The following AGPAT4 variants were observed in gnomAD, a reference collection of about 807,000 sequenced individuals.
The protein encoded by AGPAT4 is 1-acyl-sn-glycerol-3-phosphate acyltransferase delta.
A neutral mutation model predicts 48.0 loss-of-function variants in AGPAT4; 15 were observed. The ratio of observed to expected loss-of-function variants is 0.31; its 90% CI spans 0.21 to 0.48. AGPAT4 has a LOEUF of 0.48. AGPAT4 is among the 20% of genes least tolerant of loss of function. The probability of loss-of-function intolerance (pLI) is 0.99; values close to 1 mark genes in which losing one functional copy is unlikely to be tolerated. For synonymous variants in AGPAT4, 178 were observed against 198.7 expected, an observed-to-expected ratio of 0.90 and a Z score of 0.88; for missense variants, 314 against 482.5, an observed-to-expected ratio of 0.65 and a Z score of 3.27.
rs1048700217 is a variant in AGPAT4 at position 161,223,962 on chromosome 6, G to A, written c.178+8074C>T. On this transcript the variant is annotated intron_variant, in intron 2 of 8. Coordinates refer to ENST00000320285, the MANE Select transcript of AGPAT4 (RefSeq NM_020133.3). This position sits in a 1 kb window ranked among gnomAD's most constrained non-coding sequence, Gnocchi z 6.3. ...TTCATAGAATAAAAAGGCAGAATCA[G>A]GAAGTGTTGTTCCTCTTAGCCTGCA... Among the ~76,000 whole-genome samples the A allele has an allele frequency of 1.3e-5, 2 of 152,202 alleles. No individual in the cohort carries two copies. The highest frequency in any genetic ancestry group is 4.8e-5 in the African/African-American group (2 of 41,448).
rs923151624 is a variant in AGPAT4 at position 161,143,236 on chromosome 6, C to T, written c.843+3288G>A. ...TACAGGTGTGTACCGCTAGGTGCAG[C>T]TAGTTTGTAAAATTTTTTTGTAGAG... On this transcript the variant is annotated intron_variant, in intron 7 of 8. Transcript: ENST00000320285. The surrounding 1 kb of genome is among the most constrained non-coding windows in gnomAD (Gnocchi z 4.7). Among the ~76,000 whole-genome samples the T allele has an allele frequency of 2.0e-5, 3 of 152,152 alleles. No individual in the cohort carries two copies. The highest frequency in any genetic ancestry group is 4.4e-5 in the Non-Finnish European group (3 of 68,042).
rs904862024 is a variant in AGPAT4, at chr6:161,217,069, G to A, written c.178+14967C>T. On this transcript the variant is annotated intron_variant, in intron 2 of 8. Transcript: ENST00000320285. The surrounding 1 kb of genome is among the most constrained non-coding windows in gnomAD (Gnocchi z 4.9). ...GGCTTTCCTGTCCTTGTCAATTTCC[G>A]TTTAGGTGTTTTATCATTAGGGCCT... Among the ~76,000 whole-genome samples, 2 of 152,222 alleles carry A rather than the reference G, an allele frequency of 1.3e-5. No individual in the cohort carries two copies. The highest frequency in any genetic ancestry group is 2.4e-5 in the African/African-American group (1 of 41,548).
At chr6:161,160,054 C>G (rs553330560) in intron 3 of AGPAT4, 10 of 151,978 alleles carry the variant, frequency 6.6e-5, no homozygotes. Context: ...TCTCCCACCT[C>G]AGCCTGTGGA....
chr6:161,157,016 C>CGA (rs1779785994), intron 3 of AGPAT4, among the ~76,000 whole-genome samples: 1 of 152,216 alleles, frequency 6.6e-6, no homozygotes, highest in Admixed American at 6.5e-5. Flanking sequence ...GGGTAAATCT[C>CGA]TGTTCAAGAC....
chr6:161,239,028 A>C (rs1276153078), intron 1 of AGPAT4, among the ~76,000 whole-genome samples: 1 of 152,218 alleles, frequency 6.6e-6, no homozygotes, highest in African/African-American at 2.4e-5. Context: ...ATTAATACAC[A>C]TAAGAATATG....
intron 2 of AGPAT4, among the ~76,000 whole-genome samples, chr6:161,168,798 A>G (rs1416154638): frequency 6.6e-6 from 1 of 152,208 alleles, no homozygotes; most frequent in Non-Finnish European, 1.5e-5. Flanking sequence ...TGGCTGCTGA[A>G]TATTGTCTTC....
Position 161,178,001 on chromosome 6 carries a change from T to C in AGPAT4, c.179-11584A>G, listed in dbSNP as rs1780474075. Among the ~76,000 whole-genome samples the C allele has an allele frequency of 1.3e-5, 2 of 152,212 alleles. No homozygotes were observed. The highest frequency in any genetic ancestry group is 2.9e-5 in the Non-Finnish European group (2 of 68,042). ...AACAGCAAATGTTGCTGCCTGATCC[T>C]TCCTCTGAAAGCTTCGTCTCAGAGG... On this transcript the variant is annotated intron_variant, in intron 2 of 8. Coordinates refer to ENST00000320285, the MANE Select transcript of AGPAT4 (RefSeq NM_020133.3). This position sits in a 1 kb window ranked among gnomAD's most constrained non-coding sequence, Gnocchi z 5.1.
In AGPAT4 at chr6:161,201,358, ATTTACCT is replaced by A. The variant is rs1237152494; in HGVS notation, c.178+30671_178+30677del. 1.3e-5 allele frequency among the ~76,000 whole-genome samples: 2 copies of A among 152,198 alleles called. No homozygotes were observed. Among genetic ancestry groups the A allele is most frequent in the Non-Finnish European group, 2.9e-5 (2 of 68,032 alleles). On this transcript the variant is annotated intron_variant, in intron 2 of 8. Transcript: ENST00000320285. This position sits in a 1 kb window ranked among gnomAD's most constrained non-coding sequence, Gnocchi z 6.0. ...GAAGAAAAGGAAATTACAGGAACCAATTTACCTTTTTTTTCAGTCTTATTTTTATTCA... is the reference window on the plus strand; with the variant it reads ...GAAGAAAAGGAAATTACAGGAACCAATTTTTTTCAGTCTTATTTTTATTCA...
In AGPAT4 at chr6:161,149,179, C is replaced by T. The variant is rs199680926; in HGVS notation, c.767+8G>A. On this transcript the variant is annotated splice_region_variant and intron_variant, in intron 6 of 8. Coordinates refer to ENST00000320285, the MANE Select transcript of AGPAT4 (RefSeq NM_020133.3). The surrounding 1 kb of genome is among the most constrained non-coding windows in gnomAD (Gnocchi z 6.5). ...TGTCTTTTCTGGAAAGGAAACAGTT[C>T]GACTTACCTAACATACAAATCTGCA... 486 of 1,610,334 alleles carry T rather than the reference C, an allele frequency of 3.0e-4. No individual in the cohort carries two copies. The highest frequency in any genetic ancestry group is 9.9e-4 in the Middle Eastern group (6 of 6,058).
In AGPAT4 at chr6:161,206,235, G is replaced by C. The variant is rs571937761; in HGVS notation, c.178+25801C>G. Among the ~76,000 whole-genome samples the C allele has an allele frequency of 3.9e-5, 6 of 152,060 alleles. No individual in the cohort carries two copies. Among genetic ancestry groups the C allele is most frequent in the Non-Finnish European group, 7.4e-5 (5 of 67,988 alleles). On this transcript the variant is annotated intron_variant, in intron 2 of 8. Transcript: ENST00000320285. This position sits in a 1 kb window ranked among gnomAD's most constrained non-coding sequence, Gnocchi z 4.8. ...ACCCCCCATCAGCAAAGGTTGGGGT[G>C]GGGGGCTGTAATTTCACATCCTCTA...
At position 161,146,688 on chromosome 6, in the gene AGPAT4, T is replaced by TTATC; in HGVS notation, c.768-93_768-90dup. The TTATC allele has an allele frequency of 3.3e-6, 4 of 1,222,596 alleles. No individual in the cohort carries two copies. The South Asian group carries it at 5.0e-5, about 15-fold the overall frequency. The allele number at this position is 1,222,596 out of a possible 1,614,324, so 75.7% of individuals were successfully genotyped here. ...GTAACGGTGCTGCCGTTTTTTGTTT[T>TTATC]TATCTGGGTCACCTAAATAATGTGG... On this transcript the variant is annotated intron_variant, in intron 6 of 8. Transcript: ENST00000320285. This position sits in a 1 kb window ranked among gnomAD's most constrained non-coding sequence, Gnocchi z 7.1.
In AGPAT4 at chr6:161,138,459, C is replaced by T. The variant is rs192625789; in HGVS notation, c.1042+963G>A. 6.6e-6 allele frequency among the ~76,000 whole-genome samples: 1 copy of T among 152,072 alleles called. No individual in the cohort carries two copies. The highest frequency in any genetic ancestry group is 1.9e-4 in the East Asian group (1 of 5,164). On this transcript the variant is annotated intron_variant, in intron 8 of 8. Coordinates refer to ENST00000320285, the MANE Select transcript of AGPAT4 (RefSeq NM_020133.3). The surrounding 1 kb of genome is among the most constrained non-coding windows in gnomAD (Gnocchi z 4.8). ...GCGAGCTGAAGAAACTCCACTGATACGGGTTTATAGATGCACATATGCTTG... is the reference window on the plus strand; with the variant it reads ...GCGAGCTGAAGAAACTCCACTGATATGGGTTTATAGATGCACATATGCTTG...
rs58550351 is a variant in AGPAT4, at chr6:161,240,221, TACACACACACACACACACACAC to T, written c.-89-7941_-89-7920del. ...CACTAACAGCAGATATCTTTGTGTA[TACACACACACACACACACACAC>T]ACACACACACACACACACACACACT... On this transcript the variant is annotated intron_variant, in intron 1 of 8. Transcript: ENST00000320285. This position sits in a 1 kb window ranked among gnomAD's most constrained non-coding sequence, Gnocchi z 5.5. 1.4e-4 allele frequency among the ~76,000 whole-genome samples: 20 copies of T among 144,332 alleles called. No homozygotes were observed. The highest frequency in any genetic ancestry group is 3.6e-4 in the African/African-American group (14 of 38,974). The allele number at this position is 144,332 out of a possible 152,430, so 94.7% of individuals were successfully genotyped here.
chr6:161,158,197 C>A lies in AGPAT4; in HGVS notation c.349-3887G>T, dbSNP rs1181655489. Among the ~76,000 whole-genome samples, 1 of 152,144 alleles carries A rather than the reference C, an allele frequency of 6.6e-6. No individual in the cohort carries two copies. Among genetic ancestry groups the A allele is most frequent in the Non-Finnish European group, 1.5e-5 (1 of 68,020 alleles). ...GTTGCCCAAGTTAACTCACTTATGA[C>A]AAAGAGACTAGAAACTGCTATTAAG... On this transcript the variant is annotated intron_variant, in intron 3 of 8. Transcript: ENST00000320285. This position sits in a 1 kb window ranked among gnomAD's most constrained non-coding sequence, Gnocchi z 5.3.
chr6:161,157,128 G>A (rs977494527), intron 3 of AGPAT4, among the ~76,000 whole-genome samples: 4 of 152,240 alleles, frequency 2.6e-5, no homozygotes, highest in African/African-American at 9.7e-5. Flanking sequence ...GGGTCTGCCT[G>A]ACCAAGCTGG....
rs1413315498 is a variant in AGPAT4, at chr6:161,137,822, T to C, written c.1043-1188A>G. On this transcript the variant is annotated intron_variant, in intron 8 of 8. Transcript: ENST00000320285. The surrounding 1 kb of genome is among the most constrained non-coding windows in gnomAD (Gnocchi z 6.1). ...GCACCCCTCAGATGCTCCTGAAGAC[T>C]CCCTGTGTCCACACTGCACCCCTCA... Among the ~76,000 whole-genome samples, 1 of 150,430 alleles carries C rather than the reference T, an allele frequency of 6.6e-6. No homozygotes were observed. The highest frequency in any genetic ancestry group is 1.5e-5 in the Non-Finnish European group (1 of 67,672).
rs1781257215 is a variant in AGPAT4, at chr6:161,202,258, G to A, written c.178+29778C>T. ...TCTCTGGGGATGTCGCAGTCAAGAT[G>A]TCAGCTGGGGCTTGCCTGAGGCTGG... On this transcript the variant is annotated intron_variant, in intron 2 of 8. Coordinates refer to ENST00000320285, the MANE Select transcript of AGPAT4 (RefSeq NM_020133.3). This position sits in a 1 kb window ranked among gnomAD's most constrained non-coding sequence, Gnocchi z 5.4. 6.6e-6 allele frequency among the ~76,000 whole-genome samples: 1 copy of A among 152,134 alleles called. No individual in the cohort carries two copies. The highest frequency in any genetic ancestry group is 2.1e-4 in the South Asian group (1 of 4,822).
At chr6:161,170,070 C>A (rs1315770884) in intron 2 of AGPAT4, among the ~76,000 whole-genome samples, 1 of 152,190 alleles carries the variant, frequency 6.6e-6, no homozygotes, top group African/African-American at 2.4e-5. Context: ...TCCACACCAT[C>A]AATGCCAGAT....
At position 161,254,908 on chromosome 6, in the gene AGPAT4, A is replaced by G. The variant is rs2114740076; in HGVS notation, c.-90+19030T>C. Among the ~76,000 whole-genome samples the G allele has an allele frequency of 6.6e-6, 1 of 152,358 alleles. No homozygotes were observed. Among genetic ancestry groups the G allele is most frequent in the African/African-American group, 2.4e-5 (1 of 41,594 alleles). On this transcript the variant is annotated intron_variant, in intron 1 of 8. Coordinates refer to ENST00000320285, the MANE Select transcript of AGPAT4 (RefSeq NM_020133.3). The surrounding 1 kb of genome is among the most constrained non-coding windows in gnomAD (Gnocchi z 5.9). ...AATCCTGGCAAGGCTGGAGAGCTCC[A>G]GAAATCCAGCGCCTGGGCTCACAAA...
Sources: allele counts gnomAD v4.1 joint callset (sites outside exome capture counted in the v4.1 genomes callset), GRCh38; gene constraint gnomAD v4.1.1; non-coding constraint Gnocchi (gnomAD v3.1); transcripts MANE v1.5; gene names NCBI Gene and HGNC (gene_info 2026-07-23, HGNC 2026-07-21).